Variants in COL13A1 observed in about 807,000 individuals in gnomAD.
COL13A1 encodes collagen type XIII alpha 1 chain.
COL13A1 carries 89 observed loss-of-function variants against 130.9 expected under a neutral mutation model. The ratio of observed to expected loss-of-function variants is 0.68; its 90% confidence interval spans 0.57 to 0.81. The LOEUF is 0.81. Among genes scored for constraint, COL13A1 ranks in the 30% least tolerant of loss-of-function variants. The pLI is 0.00. For synonymous variants in COL13A1, 402 were observed against 341.6 expected (o/e 1.18, Z -1.95); for missense variants, 879 against 934.6 (o/e 0.94, Z 0.78).
intron 39 of COL13A1, 107 bp downstream of exon 39, chr10:69,953,075 G>A (rs1057325784): frequency 9.5e-6 from 7 of 739,464 alleles, no homozygotes; most frequent in East Asian, 6.4e-5. Context: ...ATGTCTACAC[G>A]GATGCTACCA....
chr10:69,946,419 C>T (rs1372836326), intron 37 of COL13A1, among the ~76,000 whole-genome samples: 1 of 152,210 alleles, frequency 6.6e-6, no homozygotes, highest in Non-Finnish European at 1.5e-5. Context: ...GGACACCTGG[C>T]TTTCCATCAC....
chr10:69,903,201 G>T (rs2062381750), intron 15 of COL13A1, among the ~76,000 whole-genome samples: 1 of 152,240 alleles, frequency 6.6e-6, no homozygotes, highest in Non-Finnish European at 1.5e-5. Flanking sequence ...CCTGAGTCAG[G>T]CAGTGGGTTC....
chr10:69,831,879 C>T (rs189326747), intron 2 of COL13A1, among the ~76,000 whole-genome samples: 3 of 152,298 alleles, frequency 2.0e-5, no homozygotes, highest in African/African-American at 7.2e-5. Context: ...GGATGGGTTA[C>T]TCTCTTGACC....
chr10:69,928,020 C>T (rs182674166), intron 27 of COL13A1, among the ~76,000 whole-genome samples: 1 of 152,198 alleles, frequency 6.6e-6, no homozygotes, highest in Admixed American at 6.5e-5. Context: ...GGCATGGTGG[C>T]GGGTGCCTAT....
intron 2 of COL13A1, among the ~76,000 whole-genome samples, chr10:69,843,345 C>T (rs1414649234): frequency 1.3e-5 from 2 of 152,190 alleles, no homozygotes; most frequent in Admixed American, 6.5e-5. Flanking sequence ...GGTTCAAATC[C>T]TGCCTTTGTC....
At position 69,904,043 on chromosome 10, in the gene COL13A1, A is replaced by C. The variant is rs988404026; in HGVS notation, c.859-890A>C. 2.6e-4 allele frequency among the ~76,000 whole-genome samples: 39 copies of C among 152,212 alleles called. No homozygotes were observed. The Middle Eastern group carries it at 0.014, about 53-fold the overall frequency. Reference sequence around the variant, plus strand: ...GCTTGACCCCTGAAATGAATTTTAAATTTTTCCACAATTTCGCCCCAGCAC... The same window carrying C: ...GCTTGACCCCTGAAATGAATTTTAACTTTTTCCACAATTTCGCCCCAGCAC... On this transcript the variant is annotated intron_variant, in intron 15 of 40. Transcript: ENST00000645393.
intron 38 of COL13A1, among the ~76,000 whole-genome samples, chr10:69,951,786 C>T (rs2069603944): frequency 6.6e-6 from 1 of 152,210 alleles, no homozygotes; most frequent in Non-Finnish European, 1.5e-5. Flanking sequence ...TGACTGCAAG[C>T]CTTTGTTCTA....
At chr10:69,810,346 A>AAGAGAGAGAGAGAGAGAGAGAGAG (rs1564723791) in intron 1 of COL13A1, among the ~76,000 whole-genome samples, 13 of 71,200 alleles carry the variant, frequency 1.8e-4, no homozygotes, top group African/African-American at 8.0e-4. Flanking sequence ...GGCCCTGAGA[A>AAGAGAGAGAGAGAGAGAGAGAGAG]TGAGAGAGAG....
intron 14 of COL13A1, among the ~76,000 whole-genome samples, chr10:69,901,085 G>T (rs1310053409): frequency 6.6e-6 from 1 of 152,196 alleles, no homozygotes; most frequent in Non-Finnish European, 1.5e-5. Context: ...TGAAAAGGAG[G>T]CTGCACTGGT....
At chr10:69,921,966 T>A in intron 22 of COL13A1, 31 bp downstream of exon 22, 1 of 1,583,714 alleles carries the variant, frequency 6.3e-7, no homozygotes, top group East Asian at 2.3e-5. Context: ...AGGGTTCAAG[T>A]CCTTCGTCAC....
At chr10:69,906,033 C>T (rs900675734) in intron 17 of COL13A1, among the ~76,000 whole-genome samples, 5 of 152,206 alleles carry the variant, frequency 3.3e-5, no homozygotes, top group African/African-American at 1.2e-4. Flanking sequence ...TGTGCTGAGC[C>T]AGGATGTAGG....
chr10:69,946,925 C>G (rs190678472), intron 37 of COL13A1, among the ~76,000 whole-genome samples: 19 of 152,278 alleles, frequency 1.2e-4, no homozygotes, highest in Admixed American at 1.1e-3. Flanking sequence ...GTAGCTCAGA[C>G]TACAGGTGCC....
intron 1 of COL13A1, among the ~76,000 whole-genome samples, chr10:69,814,184 A>G (rs1251088124): frequency 6.6e-6 from 1 of 152,172 alleles, no homozygotes; most frequent in East Asian, 1.9e-4. Flanking sequence ...CAGGGGCCGG[A>G]GCTTCGTCTG....
chr10:69,922,456 G>A lies in COL13A1; in HGVS notation c.1144-252G>A, dbSNP rs1289269007. Among the ~76,000 whole-genome samples the A allele has an allele frequency of 3.3e-5, 5 of 152,138 alleles. No individual in the cohort carries two copies. The South Asian group carries it at 6.2e-4, about 19-fold the overall frequency. Reference sequence around the variant, plus strand: ...TTCTCAACCCACTGAACAGTGTTCCGTGGAATACACTTTGAGAAACACGGC... The same window carrying A: ...TTCTCAACCCACTGAACAGTGTTCCATGGAATACACTTTGAGAAACACGGC... On this transcript the variant is annotated intron_variant, in intron 22 of 40. Coordinates refer to ENST00000645393, the MANE Select transcript of COL13A1 (RefSeq NM_001368882.1).
At chr10:69,827,106 C>G (rs1043600274) in intron 2 of COL13A1, among the ~76,000 whole-genome samples, 1 of 152,198 alleles carries the variant, frequency 6.6e-6, no homozygotes, top group Non-Finnish European at 1.5e-5. Flanking sequence ...GCATACTGCA[C>G]AGAGGACATT....
chr10:69,868,891 A>G (rs12146165), intron 3 of COL13A1, among the ~76,000 whole-genome samples: 34,763 of 152,090 alleles, frequency 0.23, 4,077 homozygotes, highest in Middle Eastern at 0.3. Context: ...CCTATCATCC[A>G]TCTTCCAAAA....
At chr10:69,854,101 AC>A (rs1489449325) in intron 2 of COL13A1, among the ~76,000 whole-genome samples, 1 of 152,182 alleles carries the variant, frequency 6.6e-6, no homozygotes, top group African/African-American at 2.4e-5. Context: ...CCTCCCGAGA[AC>A]CCCACATCCC....
chr10:69,948,227 G>A (rs2068841949), intron 38 of COL13A1, among the ~76,000 whole-genome samples: 2 of 152,222 alleles, frequency 1.3e-5, no homozygotes, highest in Admixed American at 1.3e-4. Flanking sequence ...GTTAGAGGAA[G>A]AGCACACGGT....
rs895206284 is a variant in COL13A1 at position 69,925,020 on chromosome 10, C to T, written c.1329+13C>T. 4 of 1,571,294 alleles carry T rather than the reference C, an allele frequency of 2.5e-6. No homozygotes were observed. The highest frequency in any genetic ancestry group is 2.3e-5 in the East Asian group (1 of 42,874). On this transcript the variant is annotated intron_variant, in intron 25 of 40. Transcript: ENST00000645393. The stretch of plus-strand genomic sequence containing the variant: ...AGATGGCCCCAAGGTATGTGCCTCT[C>T]CCTCCTGGAGTCACAGCGTGAAGCG...
Sources: gnomAD v4.1 joint callset for allele counts (sites outside exome capture counted in the v4.1 genomes callset) on GRCh38, gnomAD v4.1.1 for gene constraint, MANE v1.5 for transcripts, NCBI Gene and HGNC (gene_info 2026-07-23, HGNC 2026-07-21) for gene names.